PTPRM: variants seen among roughly 807,000 people sequenced by gnomAD.
PTPRM encodes the protein protein tyrosine phosphatase receptor type M.
Under a neutral mutation model 186.7 loss-of-function variants are expected in PTPRM, and 47 were observed. The observed-to-expected ratio is 0.25, with a 90% CI of 0.20 to 0.32. The LOEUF (loss-of-function observed/expected upper bound fraction) is 0.32, where lower values mean the gene tolerates loss of function less well. Ranked by LOEUF, PTPRM falls within the 10% of genes least tolerant of loss-of-function variation. The pLI is 1.00. For synonymous variants in PTPRM, 668 were observed against 674.9 expected (o/e 0.99, Z 0.16); for missense variants, 1,494 against 1,865.0 (o/e 0.80, Z 3.66).
At chr18:8,125,065 C>G (rs2092295351) in intron 13 of PTPRM, among the ~76,000 whole-genome samples, 1 of 151,830 alleles carries the variant, frequency 6.6e-6, no homozygotes, top group Admixed American at 6.6e-5. Flanking sequence ...GTGATCTGAC[C>G]CCAGCACCTA....
chr18:7,952,688 C>CAAA (rs759055250), intron 6 of PTPRM, among the ~76,000 whole-genome samples: 2 of 93,942 alleles, frequency 2.1e-5, no homozygotes, highest in Non-Finnish European at 4.4e-5. Context: ...GACTCCATCT[C>CAAA]AAAAAAAAAA....
chr18:7,631,060 C>T (rs1462166600), intron 1 of PTPRM, among the ~76,000 whole-genome samples: 1 of 152,010 alleles, frequency 6.6e-6, no homozygotes, highest in East Asian at 1.9e-4. Flanking sequence ...AAACATTTTC[C>T]CTCATCCTGA....
At chr18:8,113,297 A>G (rs542350446) in intron 11 of PTPRM, among the ~76,000 whole-genome samples, 189 bp from the exon 12 acceptor site, 1 of 152,330 alleles carries the variant, frequency 6.6e-6, no homozygotes, top group Admixed American at 6.5e-5. Context: ...CTGAAGAAGA[A>G]CTGAAGAACC....
chr18:7,689,871 C>T (rs1429155487), intron 1 of PTPRM, among the ~76,000 whole-genome samples: 1 of 152,092 alleles, frequency 6.6e-6, no homozygotes, highest in Admixed American at 6.5e-5. Context: ...AATAATGTGC[C>T]TTCCTACAAA....
chr18:7,595,806 A>G (rs2037242900), intron 1 of PTPRM, among the ~76,000 whole-genome samples: 1 of 152,196 alleles, frequency 6.6e-6, no homozygotes, highest in Non-Finnish European at 1.5e-5. Flanking sequence ...GAATTTGTGC[A>G]CAGCTGAAGC....
intron 17 of PTPRM, 24 bp downstream of exon 17, chr18:8,248,200 A>G: frequency 6.6e-7 from 1 of 1,521,966 alleles, no homozygotes; most frequent in Non-Finnish European, 9.1e-7. Context: ...CCTTTACCAC[A>G]GTTTATTGCA....
chr18:7,973,427 A>C (rs2054707855), intron 7 of PTPRM, among the ~76,000 whole-genome samples: 1 of 152,194 alleles, frequency 6.6e-6, no homozygotes, highest in Admixed American at 6.5e-5. Flanking sequence ...TTAAAAAATC[A>C]ATTTATTGGT....
intron 14 of PTPRM, among the ~76,000 whole-genome samples, chr18:8,202,407 A>G (rs1362199573): frequency 6.6e-6 from 1 of 152,146 alleles, no homozygotes; most frequent in Non-Finnish European, 1.5e-5. Context: ...ATTTCTGTTC[A>G]TTCTCTGCTC....
rs532575337 is a variant in PTPRM, at chr18:7,732,037, A to AT, written c.74-42111dup. ...TAACGTCTTGATAGAAATTATTGGTATAAAAACTTAGGTCTTTAGTTAGGA... is the reference window on the plus strand; with the variant it reads ...TAACGTCTTGATAGAAATTATTGGTATTAAAAACTTAGGTCTTTAGTTAGGA... On this transcript the variant is annotated intron_variant, in intron 1 of 32. Coordinates refer to ENST00000580170, the MANE Select transcript of PTPRM (RefSeq NM_001105244.2). Among the ~76,000 whole-genome samples, 90 of 152,370 alleles carry AT rather than the reference A, an allele frequency of 5.9e-4. 1 individual carries two copies. In the East Asian group the frequency reaches 0.016, roughly 27 times the overall value.
chr18:7,711,751 G>T (rs1013787407), intron 1 of PTPRM, among the ~76,000 whole-genome samples: 5 of 152,140 alleles, frequency 3.3e-5, no homozygotes, highest in African/African-American at 1.2e-4. Flanking sequence ...CCACAGCTCT[G>T]CAAAGCCACT....
At chr18:8,008,658 T>C (rs577100567) in intron 7 of PTPRM, among the ~76,000 whole-genome samples, 89 of 152,272 alleles carry the variant, frequency 5.8e-4, no homozygotes, top group Middle Eastern at 3.4e-3. Flanking sequence ...TGGATGTGAA[T>C]GTTATTTTTC....
chr18:8,260,179 A>AT (rs985305164), intron 19 of PTPRM, among the ~76,000 whole-genome samples: 6 of 150,190 alleles, frequency 4.0e-5, no homozygotes, highest in Non-Finnish European at 5.9e-5. Flanking sequence ...TGCTTTTTTC[A>AT]TTTTTTTTAA....
chr18:8,010,615 T>C (rs376948739), intron 7 of PTPRM, among the ~76,000 whole-genome samples: 2 of 152,228 alleles, frequency 1.3e-5, no homozygotes, highest in South Asian at 4.2e-4. Flanking sequence ...AGCACAGGAA[T>C]GGGGGCAGGT....
At chr18:8,099,037 G>A (rs1226779033) in intron 11 of PTPRM, among the ~76,000 whole-genome samples, 2 of 152,036 alleles carry the variant, frequency 1.3e-5, no homozygotes, top group South Asian at 4.1e-4. Flanking sequence ...ATGCCATTTT[G>A]TGGGTTTATT....
At chr18:7,772,387 CTT>C (rs1231619868) in intron 1 of PTPRM, among the ~76,000 whole-genome samples, 3 of 114,922 alleles carry the variant, frequency 2.6e-5, no homozygotes, top group Non-Finnish European at 3.7e-5. Flanking sequence ...TTCTTTCTTT[CTT>C]TCTTTCTTTC....
At chr18:7,761,958 A>G (rs2041796971) in intron 1 of PTPRM, among the ~76,000 whole-genome samples, 1 of 152,244 alleles carries the variant, frequency 6.6e-6, no homozygotes, top group Non-Finnish European at 1.5e-5. Flanking sequence ...TTTCTAATAA[A>G]GATAGAGCAG....
At chr18:8,258,048 A>T (rs1440312663) in intron 19 of PTPRM, among the ~76,000 whole-genome samples, 1 of 152,232 alleles carries the variant, frequency 6.6e-6, no homozygotes, top group Non-Finnish European at 1.5e-5. Flanking sequence ...CAATAATTTG[A>T]TTCAAAAGAA....
intron 7 of PTPRM, among the ~76,000 whole-genome samples, chr18:8,054,298 A>AATATATATATATATAT (rs34903203): frequency 5.3e-5 from 7 of 131,688 alleles, no homozygotes; most frequent in African/African-American, 2.3e-4. Context: ...TAGTAGTAGT[A>AATATATATATATATAT]ATATATATAT....
intron 13 of PTPRM, among the ~76,000 whole-genome samples, chr18:8,137,343 CCCAGCTGG>C (rs2092660411): frequency 6.6e-6 from 1 of 152,164 alleles, no homozygotes; most frequent in Non-Finnish European, 1.5e-5. Context: ...AACACACAGC[CCCAGCTGG>C]CCATGTAGTC....
Sources: allele counts gnomAD v4.1 joint callset (sites outside exome capture counted in the v4.1 genomes callset), GRCh38; gene constraint gnomAD v4.1.1; transcripts MANE v1.5; gene names NCBI Gene and HGNC (gene_info 2026-07-23, HGNC 2026-07-21).